PRELID2: variants seen among roughly 807,000 people sequenced by gnomAD.
PRELID2 encodes PRELI domain containing 2.
In PRELID2, 25 loss-of-function variants were observed where a neutral mutation model predicts 28.4. That is an observed-to-expected ratio of 0.88 (90% confidence interval 0.64 to 1.23). The LOEUF is 1.23. PRELID2 is among the 50% of genes most tolerant of loss of function. The probability of loss-of-function intolerance (pLI) is 0.00; values close to 1 mark genes in which losing one functional copy is unlikely to be tolerated. For synonymous variants in PRELID2, 76 were observed against 71.6 expected (o/e 1.06, Z -0.31); for missense variants, 201 against 214.4 (o/e 0.94, Z 0.39).
chr5:145,820,072 T>A (rs1366018048), intron 2 of PRELID2, 54 bp from the exon 3 acceptor site: 5 of 1,096,204 alleles, frequency 4.6e-6, no homozygotes, highest in Admixed American at 4.3e-5. Context: ...TGTTCTTTTC[T>A]TAGTGTCAAT....
At chr5:145,543,342 T>G (rs1752760612) in intron 1 of PRELID2, among the ~76,000 whole-genome samples, 1 of 152,150 alleles carries the variant, frequency 6.6e-6, no homozygotes, top group Admixed American at 6.6e-5. Flanking sequence ...TTATTTTATT[T>G]ATTTGTTTCT....
the PRELID2 span, among the ~76,000 whole-genome samples, chr5:145,392,887 A>T: frequency 6.6e-6 from 1 of 152,090 alleles, no homozygotes; most frequent in Admixed American, 6.5e-5. Context: ...ATGAATCCAC[A>T]TTGTCCAGTG....
chr5:145,738,003 C>G (rs928932494), intron 1 of PRELID2, among the ~76,000 whole-genome samples: 1 of 152,170 alleles, frequency 6.6e-6, no homozygotes, highest in Non-Finnish European at 1.5e-5. Flanking sequence ...CCCATAGTGA[C>G]AGTGGAGGCC....
chr5:145,564,166 C>T (rs927791401), intron 1 of PRELID2, among the ~76,000 whole-genome samples: 1 of 152,194 alleles, frequency 6.6e-6, no homozygotes, highest in East Asian at 1.9e-4. Flanking sequence ...TAAAGAGAAA[C>T]TTTGGTGTAC....
At chr5:145,359,775 C>T in the PRELID2 span, among the ~76,000 whole-genome samples, 1 of 152,160 alleles carries the variant, frequency 6.6e-6, no homozygotes, top group Non-Finnish European at 1.5e-5. Flanking sequence ...CATCCTTTTG[C>T]AATGAGATCC....
chr5:145,513,530 T>G (rs1311009020), intron 1 of PRELID2, among the ~76,000 whole-genome samples: 1 of 152,110 alleles, frequency 6.6e-6, no homozygotes, highest in Non-Finnish European at 1.5e-5. Context: ...CTGAAAGTGA[T>G]GGGGAGAATG....
the PRELID2 span, among the ~76,000 whole-genome samples, chr5:145,316,374 T>G: frequency 6.6e-6 from 1 of 152,202 alleles, no homozygotes; most frequent in Admixed American, 6.5e-5. Context: ...TTCACTGTCC[T>G]CATTCACATA....
intron 1 of PRELID2, among the ~76,000 whole-genome samples, chr5:145,593,615 G>C (rs1177317777): frequency 6.6e-6 from 1 of 152,210 alleles, no homozygotes; most frequent in East Asian, 1.9e-4. Flanking sequence ...AGAAAAGGCA[G>C]AGGAAGAGGA....
intron 1 of PRELID2, among the ~76,000 whole-genome samples, chr5:145,668,700 T>C (rs1754645280): frequency 6.6e-6 from 1 of 152,092 alleles, no homozygotes; most frequent in Non-Finnish European, 1.5e-5. Context: ...TTACCTACAT[T>C]ACAGATAAGG....
intron 1 of PRELID2, among the ~76,000 whole-genome samples, chr5:145,652,244 G>T (rs1191553025): frequency 6.6e-6 from 1 of 152,174 alleles, no homozygotes; most frequent in African/African-American, 2.4e-5. Context: ...CAAGAAATAT[G>T]GGACTATGTG....
the PRELID2 span, among the ~76,000 whole-genome samples, chr5:145,272,462 T>C: frequency 2.0e-5 from 3 of 152,148 alleles, no homozygotes; most frequent in Non-Finnish European, 2.9e-5. Context: ...AATGGTGTGA[T>C]GCCCGCACAC....
the PRELID2 span, among the ~76,000 whole-genome samples, chr5:145,424,331 CA>C: frequency 6.6e-6 from 1 of 152,238 alleles, no homozygotes; most frequent in African/African-American, 2.4e-5. Flanking sequence ...GCCCCTCCCC[CA>C]GCCTTGCTGC....
chr5:145,567,292 G>A (rs947085030), intron 1 of PRELID2, among the ~76,000 whole-genome samples: 4 of 152,128 alleles, frequency 2.6e-5, no homozygotes, highest in African/African-American at 9.7e-5. Flanking sequence ...TGAATCATGA[G>A]GGTGGTTTCC....
chr5:145,421,449 G>T, the PRELID2 span, among the ~76,000 whole-genome samples: 1 of 149,998 alleles, frequency 6.7e-6, no homozygotes, highest in Non-Finnish European at 1.5e-5. Context: ...ACTTCTTCCT[G>T]GTTTAGTCTT....
chr5:145,639,824 A>G lies in PRELID2; in HGVS notation n.70+125107T>C, dbSNP rs539005844. ...AGATTTAATAAATAGAAAAATTCAT[A>G]TCGAAAAACAAAATACAACTTCCCA... On this transcript the variant is annotated intron_variant and non_coding_transcript_variant, in intron 1 of 2. Coordinates refer to the PRELID2 transcript ENST00000510259. 9.8e-5 allele frequency among the ~76,000 whole-genome samples: 15 copies of G among 152,324 alleles called. No individual in the cohort carries two copies. The East Asian group carries it at 2.5e-3, about 25-fold the overall frequency.
chr5:145,775,034 G>T (rs983663289), intron 5 of PRELID2, among the ~76,000 whole-genome samples: 6 of 152,154 alleles, frequency 3.9e-5, no homozygotes, highest in African/African-American at 1.4e-4. Context: ...GAAGTCAGGA[G>T]TTTGAGACCA....
the PRELID2 span, among the ~76,000 whole-genome samples, chr5:145,299,070 A>G: frequency 6.6e-6 from 1 of 152,252 alleles, no homozygotes; most frequent in African/African-American, 2.4e-5. Context: ...ACAAAACAGA[A>G]TAATTAACTC....
At chr5:145,416,549 T>G in the PRELID2 span, among the ~76,000 whole-genome samples, 5 of 152,074 alleles carry the variant, frequency 3.3e-5, no homozygotes, top group African/African-American at 1.2e-4. Context: ...TGAATGACTC[T>G]TGGGTAAATA....
chr5:145,655,531 G>A (rs376867101), intron 1 of PRELID2, among the ~76,000 whole-genome samples: 6 of 152,262 alleles, frequency 3.9e-5, no homozygotes, highest in Non-Finnish European at 2.9e-5. Context: ...AAAACAGCAC[G>A]GTACTGGTAA....
Sources: allele counts gnomAD v4.1 joint callset (sites outside exome capture counted in the v4.1 genomes callset), GRCh38; gene constraint gnomAD v4.1.1; transcripts MANE v1.5; gene names NCBI Gene and HGNC (gene_info 2026-07-23, HGNC 2026-07-21).